VEPH1: variants seen among roughly 807,000 people sequenced by gnomAD.
VEPH1 encodes ventricular zone-expressed PH domain-containing protein homolog 1.
VEPH1 carries 80 observed loss-of-function variants against 85.2 expected under a neutral mutation model. That is an observed-to-expected ratio of 0.94 (90% CI 0.78 to 1.13). The LOEUF is 1.13. Among genes scored for constraint, VEPH1 ranks in the 50% most tolerant of loss-of-function variants. The probability of loss-of-function intolerance (pLI) is 0.00; values close to 1 mark genes in which losing one functional copy is unlikely to be tolerated. For missense variants in VEPH1, 955 were observed against 980.5 expected, an observed-to-expected ratio of 0.97 and a Z score of 0.35; for synonymous variants, 297 against 348.0, an observed-to-expected ratio of 0.85 and a Z score of 1.63.
At chr3:157,492,317 A>AAATCAGTACATTG (rs1739288174) in intron 2 of VEPH1, among the ~76,000 whole-genome samples, 1 of 152,210 alleles carries the variant, frequency 6.6e-6, no homozygotes, top group East Asian at 1.9e-4. Flanking sequence ...TACGAGTTAT[A>AAATCAGTACATTG]ATTTTCATTG....
chr3:157,314,986 AT>A (rs1720574852), intron 10 of VEPH1, among the ~76,000 whole-genome samples: 1 of 152,122 alleles, frequency 6.6e-6, no homozygotes, highest in African/African-American at 2.4e-5. Context: ...CAAAGGAACA[AT>A]TTTAAAAAAA....
At chr3:157,348,160 C>A (rs1209219373) in intron 9 of VEPH1, among the ~76,000 whole-genome samples, 1 of 152,154 alleles carries the variant, frequency 6.6e-6, no homozygotes, top group African/African-American at 2.4e-5. Context: ...TCATGGAGAA[C>A]CCTGCCTTGA....
chr3:157,330,693 T>C (rs568527374), intron 9 of VEPH1, among the ~76,000 whole-genome samples: 267 of 152,226 alleles, frequency 1.8e-3, no homozygotes, highest in African/African-American at 6.0e-3. Flanking sequence ...GCTCCAGCTG[T>C]AGGGATCATG....
intron 9 of VEPH1, among the ~76,000 whole-genome samples, chr3:157,353,505 G>A (rs892533901): frequency 1.3e-5 from 2 of 152,048 alleles, no homozygotes; most frequent in African/African-American, 2.4e-5. Context: ...GAGCTCAGGC[G>A]ATCTGCCCAC....
intron 4 of VEPH1, among the ~76,000 whole-genome samples, chr3:157,454,981 C>T (rs1455744373): frequency 1.3e-5 from 2 of 152,162 alleles, no homozygotes; most frequent in African/African-American, 4.8e-5. Flanking sequence ...TTTTCTTCAT[C>T]CAATCCACTG....
chr3:157,467,125 ATG>A lies in VEPH1; in HGVS notation c.354+3187_354+3188del, dbSNP rs57109409. Among the ~76,000 whole-genome samples, 796 of 145,322 alleles carry A rather than the reference ATG, an allele frequency of 5.5e-3. 6 individuals are homozygous for A. Among genetic ancestry groups the A allele is most frequent in the African/African-American group, 0.016 (638 of 39,696 alleles). ...CAAAAAGAAAAGTGTGTGTGTGTGT[ATG>A]TGTGTGTGTGTGTGTGTGTGTGTAC... is the stretch of plus-strand genomic sequence containing the variant. On this transcript the variant is annotated intron_variant, in intron 3 of 13. Transcript: ENST00000362010.
intron 10 of VEPH1, among the ~76,000 whole-genome samples, chr3:157,315,067 T>C (rs947193250): frequency 2.0e-5 from 3 of 152,106 alleles, no homozygotes; most frequent in African/African-American, 7.2e-5. Flanking sequence ...GGATCCTTTA[T>C]GTATAATGTA....
chr3:157,290,460 G>T (rs1389516285), intron 11 of VEPH1, among the ~76,000 whole-genome samples: 2 of 152,248 alleles, frequency 1.3e-5, no homozygotes, highest in South Asian at 4.1e-4. Context: ...GTGCTAATTT[G>T]TTACGCATTA....
At chr3:157,437,616 C>T (rs1369020338) in intron 4 of VEPH1, 2 of 1,562,954 alleles carry the variant, frequency 1.3e-6, no homozygotes, top group Non-Finnish European at 1.7e-6. Context: ...AAGCCACGGA[C>T]GACGTCCTGC....
At chr3:157,447,967 G>A (rs1332620548) in intron 4 of VEPH1, among the ~76,000 whole-genome samples, 3 of 148,136 alleles carry the variant, frequency 2.0e-5, no homozygotes, top group East Asian at 2.0e-4. Context: ...CAACCAGAAC[G>A]ATGATGATGA....
intron 7 of VEPH1, among the ~76,000 whole-genome samples, chr3:157,370,196 CG>C (rs1434388883): frequency 1.3e-5 from 2 of 152,156 alleles, no homozygotes; most frequent in African/African-American, 4.8e-5. Flanking sequence ...CTTGTGTGAA[CG>C]GGGACTTCCC....
At chr3:157,390,937 T>G (rs1345945761) in intron 6 of VEPH1, among the ~76,000 whole-genome samples, 1 of 152,232 alleles carries the variant, frequency 6.6e-6, no homozygotes, top group Admixed American at 6.5e-5. Context: ...CACATTCCTC[T>G]TGTCCAGATG....
At chr3:157,462,726 C>T (rs182026373) in intron 3 of VEPH1, among the ~76,000 whole-genome samples, 109 of 152,218 alleles carry the variant, frequency 7.2e-4, no homozygotes, top group African/African-American at 2.6e-3. Flanking sequence ...ACACTCCTGC[C>T]CAATATACAT....
At chr3:157,281,101 T>TGTGTGTGTGAGA (rs371002819) in intron 12 of VEPH1, among the ~76,000 whole-genome samples, 54 of 148,742 alleles carry the variant, frequency 3.6e-4, no homozygotes, top group Non-Finnish European at 4.6e-4. Context: ...TGTGTGTGTG[T>TGTGTGTGTGAGA]GAGAGAGAGA....
intron 5 of VEPH1, among the ~76,000 whole-genome samples, chr3:157,414,430 A>G (rs947240380): frequency 1.3e-5 from 2 of 152,178 alleles, no homozygotes; most frequent in African/African-American, 4.8e-5. Flanking sequence ...CCACCATGAA[A>G]GCTGCAATTT....
chr3:157,439,337 A>G (rs1336041661), intron 4 of VEPH1, among the ~76,000 whole-genome samples: 2 of 152,200 alleles, frequency 1.3e-5, no homozygotes, highest in East Asian at 3.8e-4. Flanking sequence ...TCCTTATTAC[A>G]TCCAATAATA....
intron 6 of VEPH1, chr3:157,409,596 T>A: frequency 1.0e-6 from 1 of 984,378 alleles, no homozygotes. Context: ...TTGGTTTTTG[T>A]TTTATATATA....
intron 1 of VEPH1, among the ~76,000 whole-genome samples, 161 bp downstream of exon 1, chr3:157,503,116 A>C (rs1029304436): frequency 3.9e-5 from 6 of 152,154 alleles, no homozygotes; most frequent in Non-Finnish European, 5.9e-5. Flanking sequence ...CTAGACACAC[A>C]GCTCCCAAAT....
chr3:157,321,199 A>G (rs1177999348), intron 9 of VEPH1, among the ~76,000 whole-genome samples: 1 of 152,154 alleles, frequency 6.6e-6, no homozygotes. Context: ...TTTCCCTCCC[A>G]GTGAAATAAA....
Sources: allele counts gnomAD v4.1 joint callset (sites outside exome capture counted in the v4.1 genomes callset), GRCh38; gene constraint gnomAD v4.1.1; transcripts MANE v1.5; gene names NCBI Gene and HGNC (gene_info 2026-07-23, HGNC 2026-07-21).